Variants in CRADD observed in about 807,000 individuals in gnomAD.
The protein encoded by CRADD is CARD and death domain containing adaptor protein, also known as death domain-containing protein CRADD.
A neutral mutation model predicts 15.5 loss-of-function variants in CRADD; 9 were observed. That is an observed-to-expected ratio of 0.58 (90% CI 0.35 to 1.01). The LOEUF is 1.01. Among genes scored for constraint, CRADD ranks in the 50% least tolerant of loss-of-function variants. The probability of loss-of-function intolerance (pLI) is 0.02; values close to 1 mark genes in which losing one functional copy is unlikely to be tolerated. For missense variants in CRADD, 227 were observed against 250.3 expected (o/e 0.91, Z 0.63); for synonymous variants, 118 against 107.6 (o/e 1.10, Z -0.60).
At chr12:93,881,777 AG>A (rs1338271605) in intron 2 of CRADD, among the ~76,000 whole-genome samples, 1 of 152,230 alleles carries the variant, frequency 6.6e-6, no homozygotes, top group East Asian at 1.9e-4. Context: ...TCTCCCTTGG[AG>A]ATTATCTCAC....
intron 2 of CRADD, among the ~76,000 whole-genome samples, chr12:93,780,880 G>A (rs1307775023): frequency 6.6e-6 from 1 of 150,666 alleles, no homozygotes; most frequent in Non-Finnish European, 1.5e-5. Flanking sequence ...CTGCATAGCT[G>A]GGATTACAGG....
chr12:93,842,963 T>A (rs1195522689), intron 2 of CRADD, among the ~76,000 whole-genome samples: 1 of 152,000 alleles, frequency 6.6e-6, no homozygotes, highest in Non-Finnish European at 1.5e-5. Flanking sequence ...GCATGAAAAA[T>A]TTAGGATCTG....
At position 93,763,190 on chromosome 12, in the gene CRADD, C is replaced by T. The variant is rs115484218; in HGVS notation, c.298+84118C>T. Among the ~76,000 whole-genome samples, 806 of 152,360 alleles carry T rather than the reference C, an allele frequency of 5.3e-3. 11 individuals are homozygous for T. Among genetic ancestry groups the T allele is most frequent in the African/African-American group, 0.018 (758 of 41,578 alleles). On this transcript the variant is annotated intron_variant, in intron 2 of 2. Coordinates refer to ENST00000332896, the MANE Select transcript of CRADD (RefSeq NM_003805.5). The stretch of plus-strand genomic sequence containing the variant: ...GCCAGACAGCAAATAGGAGGTAGAG[C>T]TGACTTCTGACCTGACCTTTTCCTA...
At chr12:93,803,786 T>C (rs1957503457) in intron 2 of CRADD, among the ~76,000 whole-genome samples, 1 of 152,174 alleles carries the variant, frequency 6.6e-6, no homozygotes, top group South Asian at 2.1e-4. Flanking sequence ...AAGGGGACTT[T>C]GCAGGTGTGA....
At position 93,764,054 on chromosome 12, in the gene CRADD, A is replaced by C. The variant is rs559620784; in HGVS notation, c.298+84982A>C. On this transcript the variant is annotated intron_variant, in intron 2 of 2. Transcript: ENST00000332896. The stretch of plus-strand genomic sequence containing the variant: ...GCAGACAGAATGTGAAGAGCCAGCC[A>C]GGGTCCCAAGATGATGCTGGAGCCA... Among the ~76,000 whole-genome samples, 64 of 152,304 alleles carry C rather than the reference A, an allele frequency of 4.2e-4. 2 individuals carry two copies. Among genetic ancestry groups the C allele is most frequent in the Non-Finnish European group, 7.5e-4 (51 of 68,020 alleles).
intron 2 of CRADD, among the ~76,000 whole-genome samples, chr12:93,777,303 T>C (rs1046941372): frequency 5.3e-5 from 8 of 152,244 alleles, no homozygotes; most frequent in African/African-American, 1.2e-4. Flanking sequence ...GTTGATGCCA[T>C]GCCCTAGGCA....
chr12:93,773,879 G>T (rs1038217035), intron 2 of CRADD, among the ~76,000 whole-genome samples: 2 of 139,586 alleles, frequency 1.4e-5, no homozygotes, highest in Non-Finnish European at 3.0e-5. Context: ...GTGCAGTGGT[G>T]TGGTTGTCCA....
intron 2 of CRADD, among the ~76,000 whole-genome samples, chr12:93,765,637 T>C (rs1957019147): frequency 6.6e-6 from 1 of 152,158 alleles, no homozygotes. Context: ...GTTTGCAATA[T>C]TAAAAGCACA....
rs187519917 is a variant in CRADD, at chr12:93,875,886, C to T, written c.299-18164C>T. ...TGTTAAAATAGTCTGTGTTTTTCTG[C>T]GTACTTACCATTACCAGTGAGTTTT... On this transcript the variant is annotated intron_variant, in intron 2 of 2. Coordinates refer to the CRADD transcript ENST00000548483. Among the ~76,000 whole-genome samples, 550 of 152,170 alleles carry T rather than the reference C, an allele frequency of 3.6e-3. 2 individuals are homozygous for T. The highest frequency in any genetic ancestry group is 0.011 in the African/African-American group (464 of 41,532).
chr12:93,752,020 C>T (rs1381184608), intron 2 of CRADD, among the ~76,000 whole-genome samples: 1 of 152,208 alleles, frequency 6.6e-6, no homozygotes, highest in Non-Finnish European at 1.5e-5. Context: ...CAAGTAACTA[C>T]CTGCAGTGTA....
intron 2 of CRADD, among the ~76,000 whole-genome samples, chr12:93,710,086 A>C (rs544620850): frequency 6.6e-6 from 1 of 152,288 alleles, no homozygotes; most frequent in East Asian, 1.9e-4. Flanking sequence ...GGCTGGGTTC[A>C]GCTGAGTGGT....
intron 2 of CRADD, among the ~76,000 whole-genome samples, chr12:93,873,780 G>T (rs945483758): frequency 2.6e-5 from 4 of 152,044 alleles, no homozygotes; most frequent in African/African-American, 9.7e-5. Context: ...CGTGATGAAT[G>T]ATCTTTCTAA....
intron 2 of CRADD, among the ~76,000 whole-genome samples, chr12:93,879,235 CTGAT>C (rs896539416): frequency 5.9e-5 from 9 of 152,012 alleles, no homozygotes; most frequent in Admixed American, 2.6e-4. Flanking sequence ...TTCTTTTTCT[CTGAT>C]TGCTACTTTT....
At chr12:93,861,745 C>T (rs1409639114) in intron 2 of CRADD, among the ~76,000 whole-genome samples, 1 of 152,216 alleles carries the variant, frequency 6.6e-6, no homozygotes, top group Admixed American at 6.5e-5. Flanking sequence ...TCAGCTCCAT[C>T]CCAGACTCAG....
chr12:93,874,325 T>C (rs1263029408), intron 2 of CRADD, among the ~76,000 whole-genome samples: 1 of 152,006 alleles, frequency 6.6e-6, no homozygotes, highest in Non-Finnish European at 1.5e-5. Flanking sequence ...TTGCATCTTT[T>C]CTCTTTTTTT....
At chr12:93,756,112 A>T (rs1022249501) in intron 2 of CRADD, among the ~76,000 whole-genome samples, 3 of 152,202 alleles carry the variant, frequency 2.0e-5, no homozygotes, top group African/African-American at 7.2e-5. Context: ...TGCACTTTTT[A>T]AAAAAGCACT....
chr12:93,845,955 C>G (rs1958109800), intron 2 of CRADD, among the ~76,000 whole-genome samples: 1 of 152,172 alleles, frequency 6.6e-6, no homozygotes, highest in Non-Finnish European at 1.5e-5. Context: ...CTCCCTCCCC[C>G]ACCCCCTGGC....
chr12:93,871,653 G>A (rs1958421108), intron 2 of CRADD, among the ~76,000 whole-genome samples: 1 of 152,134 alleles, frequency 6.6e-6, no homozygotes, highest in African/African-American at 2.4e-5. Flanking sequence ...ACAAATAAGT[G>A]AGAACATGCA....
downstream of CRADD, among the ~76,000 whole-genome samples, chr12:93,855,415 C>T (rs1029216313): frequency 6.6e-6 from 1 of 152,094 alleles, no homozygotes; most frequent in Non-Finnish European, 1.5e-5. Flanking sequence ...AGCAGGGAGG[C>T]GAAAAGATTA....
Sources: allele counts gnomAD v4.1 joint callset (sites outside exome capture counted in the v4.1 genomes callset), GRCh38; gene constraint gnomAD v4.1.1; transcripts MANE v1.5; gene names NCBI Gene and HGNC (gene_info 2026-07-23, HGNC 2026-07-21).